Variants in TMEM164 observed in about 807,000 individuals in gnomAD.
The protein encoded by TMEM164 is transmembrane protein 164, also known as RP13-360B22.2.
TMEM164 carries 4 observed loss-of-function variants against 18.8 expected under a neutral mutation model. The ratio of observed to expected loss-of-function variants is 0.21; its 90% CI spans 0.10 to 0.49. The LOEUF is 0.49. Among genes scored for constraint, TMEM164 ranks in the 20% least tolerant of loss-of-function variants. TMEM164 has a pLI of 0.98. For missense variants in TMEM164, 108 were observed against 239.9 expected, an observed-to-expected ratio of 0.45 and a Z score of 3.63; for synonymous variants, 86 against 101.7, an observed-to-expected ratio of 0.85 and a Z score of 0.93.
At chrX:110,040,969 C>T (rs979327278) in intron 2 of TMEM164, among the ~76,000 whole-genome samples, 26 of 111,736 alleles carry the variant, frequency 2.3e-4, no homozygotes, top group African/African-American at 7.8e-4. Context: ...GAAACAAATC[C>T]GTTTAATAGT....
intron 5 of TMEM164, among the ~76,000 whole-genome samples, chrX:110,154,681 A>C (rs1488788320): frequency 9.0e-6 from 1 of 111,654 alleles, no homozygotes; most frequent in Non-Finnish European, 1.9e-5. Flanking sequence ...CTGCCTCCCA[A>C]AGTGCTGGGA....
chrX:110,035,663 C>G, intron 2 of TMEM164, among the ~76,000 whole-genome samples: 1 of 110,551 alleles, frequency 9.0e-6, no homozygotes, highest in Non-Finnish European at 1.9e-5. Context: ...ATCACCGCGG[C>G]CAGCTAATTT....
chrX:110,132,770 G>A (rs1023982508), intron 4 of TMEM164, among the ~76,000 whole-genome samples: 1 of 111,752 alleles, frequency 8.9e-6, no homozygotes, highest in African/African-American at 3.3e-5. Flanking sequence ...GTCATTTCCA[G>A]TATTTTACTA....
chrX:110,096,521 G>A (rs2066021676), intron 3 of TMEM164, among the ~76,000 whole-genome samples: 1 of 112,741 alleles, frequency 8.9e-6, no homozygotes, highest in Non-Finnish European at 1.9e-5. Context: ...TGCGCCGTTT[G>A]CTAAGACCAT....
chrX:110,039,978 G>A (rs1935019266), intron 2 of TMEM164, among the ~76,000 whole-genome samples: 1 of 111,204 alleles, frequency 9.0e-6, no homozygotes, highest in Non-Finnish European at 1.9e-5. Context: ...CAAGGCTGAG[G>A]GTGTTTCCAT....
chrX:110,045,157 G>C (rs780277811), intron 2 of TMEM164, among the ~76,000 whole-genome samples: 1 of 111,629 alleles, frequency 9.0e-6, no homozygotes, highest in Non-Finnish European at 1.9e-5. Flanking sequence ...CTGACTGAAC[G>C]CTTGCAGAGA....
chrX:110,146,524 G>A (rs957675008), intron 5 of TMEM164, among the ~76,000 whole-genome samples: 3 of 112,026 alleles, frequency 2.7e-5, no homozygotes, highest in Non-Finnish European at 3.8e-5. Flanking sequence ...GAGACAGTAT[G>A]CTCTGTTATT....
chrX:110,051,769 G>T (rs1407789881), intron 2 of TMEM164, among the ~76,000 whole-genome samples: 1 of 111,905 alleles, frequency 8.9e-6, no homozygotes, highest in African/African-American at 3.3e-5. Context: ...CGCATTCCAG[G>T]TTTTCAAACC....
intron 2 of TMEM164, among the ~76,000 whole-genome samples, chrX:110,042,010 ATTAG>A (rs1000512367): frequency 8.9e-6 from 1 of 112,265 alleles, no homozygotes; most frequent in Non-Finnish European, 1.9e-5. Flanking sequence ...ATTTAAAAAA[ATTAG>A]TTAAATATAT....
At chrX:110,005,306 A>G (rs960370697) in intron 2 of TMEM164, among the ~76,000 whole-genome samples, 3 of 111,669 alleles carry the variant, frequency 2.7e-5, no homozygotes, top group African/African-American at 9.8e-5. Context: ...GCTTGCAGCC[A>G]GAAGATGAAT....
At chrX:110,013,834 G>A (rs1933147272) in intron 2 of TMEM164, among the ~76,000 whole-genome samples, 1 of 111,891 alleles carries the variant, frequency 8.9e-6, no homozygotes, top group Admixed American at 9.5e-5. Context: ...CTTATTGTGT[G>A]CACTAAATAA....
In TMEM164 at chrX:110,144,882, G is replaced by A; in HGVS notation, c.586+6G>A. Reference sequence around the variant, plus strand: ...CTACCTGCTTTGGAAAGGAGGTAAGGCCAGCAAACCACATTCCTATGTAAC... The same window carrying A: ...CTACCTGCTTTGGAAAGGAGGTAAGACCAGCAAACCACATTCCTATGTAAC... On this transcript the variant is annotated splice_donor_region_variant and intron_variant, in intron 5 of 6. Transcript: ENST00000372068. 8.4e-7 allele frequency: 1 copy of A among 1,191,681 alleles called. No homozygotes were observed. The highest frequency in any genetic ancestry group is 1.1e-6 in the Non-Finnish European group (1 of 879,430).
chrX:110,182,816 A>C, downstream of TMEM164: 1 of 111,999 alleles, frequency 8.9e-6, no homozygotes. Context: ...TGCCACCAAC[A>C]TCCCCTCAGT....
chrX:110,125,730 C>G (rs767615599), intron 4 of TMEM164, among the ~76,000 whole-genome samples: 134 of 112,485 alleles, frequency 1.2e-3, no homozygotes, highest in Middle Eastern at 9.2e-3. Flanking sequence ...TCCCATTGTT[C>G]AGGAATGGTC....
intron 2 of TMEM164, among the ~76,000 whole-genome samples, chrX:110,015,678 C>G (rs973832501): frequency 2.1e-4 from 23 of 110,877 alleles, no homozygotes; most frequent in African/African-American, 7.6e-4. Context: ...CACTTGGTCC[C>G]TTGGGCTGCC....
At chrX:110,059,132 C>A (rs1935996787) in intron 2 of TMEM164, among the ~76,000 whole-genome samples, 1 of 111,004 alleles carries the variant, frequency 9.0e-6, no homozygotes, top group Admixed American at 9.6e-5. Context: ...ACAGTTAGGT[C>A]TTTGATTTTG....
downstream of TMEM164, among the ~76,000 whole-genome samples, chrX:110,184,027 A>C (rs983615746): frequency 2.7e-5 from 3 of 111,019 alleles, no homozygotes; most frequent in Admixed American, 2.9e-4. Context: ...TACAATACCA[A>C]AAGTGAACCC....
At chrX:110,041,520 C>T (rs1935091177) in intron 2 of TMEM164, among the ~76,000 whole-genome samples, 1 of 111,359 alleles carries the variant, frequency 9.0e-6, no homozygotes, top group African/African-American at 3.3e-5. Flanking sequence ...TTTGTTGGGA[C>T]TCCTGAGCCT....
intron 6 of TMEM164, 45 bp downstream of exon 6, chrX:110,171,565 T>C: frequency 9.6e-7 from 1 of 1,042,134 alleles, no homozygotes; most frequent in Non-Finnish European, 1.4e-6. Flanking sequence ...TTTGCAGTTC[T>C]CCATAAATCT....
Sources: allele counts gnomAD v4.1 joint callset (sites outside exome capture counted in the v4.1 genomes callset), GRCh38; gene constraint gnomAD v4.1.1; transcripts MANE v1.5; gene names NCBI Gene and HGNC (gene_info 2026-07-23, HGNC 2026-07-21).